The following SCNN1A variants were observed in gnomAD, a reference collection of about 807,000 sequenced individuals.
The protein encoded by SCNN1A is epithelial sodium channel subunit alpha.
In SCNN1A, 65 loss-of-function variants were observed where a neutral mutation model predicts 68.6. The observed-to-expected ratio is 0.95, with a 90% CI of 0.78 to 1.16. The LOEUF is 1.16. Ranked by LOEUF, SCNN1A falls within the 50% of genes most tolerant of loss-of-function variation. The pLI is 0.00. For missense variants in SCNN1A, 880 were observed against 865.9 expected (o/e 1.02, Z -0.20); for synonymous variants, 357 against 353.3 (o/e 1.01, Z -0.12).
At chr12:6,366,473 T>A in intron 2 of SCNN1A, among the ~76,000 whole-genome samples, 1 of 152,280 alleles carries the variant, frequency 6.6e-6, no homozygotes, top group East Asian at 1.9e-4. Context: ...TTTACGGTGT[T>A]TAGGCCGCAC....
intron 2 of SCNN1A, among the ~76,000 whole-genome samples, chr12:6,369,156 T>A (rs952384272): frequency 2.5e-4 from 38 of 151,302 alleles, no homozygotes; most frequent in African/African-American, 9.0e-4. Context: ...TGCCCCTCCC[T>A]CTCTCTCATC....
intron 2 of SCNN1A, among the ~76,000 whole-genome samples, chr12:6,368,598 G>A (rs1948720692): frequency 6.6e-6 from 1 of 152,166 alleles, no homozygotes; most frequent in Non-Finnish European, 1.5e-5. Context: ...TAACACAATT[G>A]TCATTCCCTT....
chr12:6,364,727 A>T (rs1592077516), intron 2 of SCNN1A, among the ~76,000 whole-genome samples: 1 of 151,194 alleles, frequency 6.6e-6, no homozygotes, highest in Admixed American at 6.6e-5. Context: ...GCGCCACTAC[A>T]CTCCAGCCTG....
At position 6,359,644 on chromosome 12, in the gene SCNN1A, A is replaced by G. The variant is rs192267005; in HGVS notation, c.875+2407T>C. ...CCTCTCCTCCCCTTCTACCATGAGT[A>G]AAAGTTTCCTGAGGCCTCCCCAGAA... On this transcript the variant is annotated intron_variant, in intron 4 of 12. Coordinates refer to ENST00000228916, the MANE Select transcript of SCNN1A (RefSeq NM_001038.6). Among the ~76,000 whole-genome samples, 3 of 152,234 alleles carry G rather than the reference A, an allele frequency of 2.0e-5. 1 individual carries two copies. The South Asian group carries it at 6.2e-4, about 32-fold the overall frequency.
intron 2 of SCNN1A, among the ~76,000 whole-genome samples, chr12:6,368,347 C>T (rs545247242): frequency 5.9e-5 from 9 of 152,288 alleles, no homozygotes; most frequent in East Asian, 1.9e-4. Flanking sequence ...GTTACACCCC[C>T]GGCGTTTGCC....
chr12:6,363,141 T>C (rs1467849622), intron 3 of SCNN1A, among the ~76,000 whole-genome samples: 1 of 97,340 alleles, frequency 1.0e-5, no homozygotes, highest in East Asian at 7.6e-4. Flanking sequence ...AGTAAAACAA[T>C]AATAATAATA....
upstream of SCNN1A, chr12:6,375,936 G>A: frequency 9.1e-7 from 1 of 1,098,878 alleles, no homozygotes; most frequent in Non-Finnish European, 1.1e-6. Context: ...AGATAGGGAT[G>A]GAGGAGGGGC....
At position 6,347,653 on chromosome 12, in the gene SCNN1A, G is replaced by C. The variant is rs913175491; in HGVS notation, c.*220C>G. ...CCAGAGTGTTCAGAGGCAGTACCAA[G>C]GGGTACAGGGCTGGAGCCAAGGCAC... On this transcript the variant is annotated 3_prime_UTR_variant, in exon 13 of 13. Transcript: ENST00000228916. 3.4e-6 allele frequency: 2 copies of C among 596,380 alleles called. No homozygotes were observed. Among genetic ancestry groups the C allele is most frequent in the Non-Finnish European group, 6.0e-6 (2 of 333,270 alleles). The allele number at this position is 596,380 out of a possible 1,614,324, so 36.9% of individuals were successfully genotyped here.
At position 6,347,911 on chromosome 12, in the gene SCNN1A, C is replaced by G; in HGVS notation, c.1972G>C (p.Gly658Arg). 1 of 1,596,818 alleles carries G rather than the reference C, an allele frequency of 6.3e-7. No homozygotes were observed. Among genetic ancestry groups the G allele is most frequent in the Non-Finnish European group, 8.5e-7 (1 of 1,171,542 alleles). Reference sequence around the variant, plus strand: ...AGAGGACAGGTGGAGGAACTGGCCCCTGCAGAGCCCCCTGGAGATGGGCGG... The same window carrying G: ...AGAGGACAGGTGGAGGAACTGGCCCGTGCAGAGCCCCCTGGAGATGGGCGG... ...GPRPSPGGSA[G>R]ASSSTCPLGG... Residue 658 changes from glycine (G) to arginine (R), a missense_variant, in exon 13 of 13, where the codon GGG (glycine) becomes CGG (arginine). By Grantham distance (125) the Gly-to-Arg change is moderately radical. Transcript: ENST00000228916.
intron 4 of SCNN1A, among the ~76,000 whole-genome samples, chr12:6,359,788 T>TTC (rs1948554077): frequency 9.2e-6 from 1 of 108,562 alleles, no homozygotes; most frequent in Non-Finnish European, 1.8e-5. Flanking sequence ...TTTTTTTTTT[T>TTC]CAGATGGAGT....
intron 2 of SCNN1A, among the ~76,000 whole-genome samples, chr12:6,369,109 C>G (rs569983323): frequency 6.6e-6 from 1 of 152,188 alleles, no homozygotes; most frequent in South Asian, 2.1e-4. Flanking sequence ...TCCCTTTCCA[C>G]TCCTTCCCCA....
rs1460355012 is a variant in SCNN1A, at chr12:6,351,014, C to T, written c.1361-1609G>A. Among the ~76,000 whole-genome samples the T allele has an allele frequency of 6.6e-6, 1 of 152,140 alleles. No individual in the cohort carries two copies. The highest frequency in any genetic ancestry group is 1.9e-4 in the East Asian group (1 of 5,192). On this transcript the variant is annotated intron_variant, in intron 8 of 12. Transcript: ENST00000228916. This position sits in a 1 kb window ranked among gnomAD's most constrained non-coding sequence, Gnocchi z 4.2. ...CTCAAAAAAGGTTAAACATAGATTA[C>T]CATATGACCTAGCAATTCCATTCCT...
chr12:6,351,631 AG>A lies in SCNN1A; in HGVS notation c.1361-2227del, dbSNP rs1303670889. ...GACAGAGGGAGATTCTGTCTCCAGA[AG>A]AAAAAAAAAAAAAAAGATTCAGAAT... On this transcript the variant is annotated intron_variant, in intron 8 of 12. Transcript: ENST00000228916. This position sits in a 1 kb window ranked among gnomAD's most constrained non-coding sequence, Gnocchi z 4.2. Among the ~76,000 whole-genome samples, 1 of 151,186 alleles carries A rather than the reference AG, an allele frequency of 6.6e-6. No homozygotes were observed. Among genetic ancestry groups the A allele is most frequent in the African/African-American group, 2.4e-5 (1 of 41,120 alleles).
chr12:6,360,719 C>T (rs66575351), intron 4 of SCNN1A, among the ~76,000 whole-genome samples: 3,743 of 152,200 alleles, frequency 0.025, 155 homozygotes, highest in African/African-American at 0.085. Context: ...GAGATGGCTC[C>T]GGAAAATAAA....
At position 6,372,601 on chromosome 12, in the gene SCNN1A, G is replaced by T. The variant is rs1948812888; in HGVS notation, c.416+1767C>A. 6.6e-6 allele frequency among the ~76,000 whole-genome samples: 1 copy of T among 152,100 alleles called. No individual in the cohort carries two copies. The highest frequency in any genetic ancestry group is 6.6e-5 in the Admixed American group (1 of 15,266). Reference sequence around the variant, plus strand: ...CCTAAGAACTGTGCAGGCCTCACCCGATTCACCCCTGCCCTCCCTTTCCAT... The same window carrying T: ...CCTAAGAACTGTGCAGGCCTCACCCTATTCACCCCTGCCCTCCCTTTCCAT... On this transcript the variant is annotated intron_variant, in intron 2 of 12. Coordinates refer to ENST00000228916, the MANE Select transcript of SCNN1A (RefSeq NM_001038.6). This position sits in a 1 kb window ranked among gnomAD's most constrained non-coding sequence, Gnocchi z 5.8.
intron 7 of SCNN1A, 75 bp from the exon 8 acceptor site, chr12:6,354,630 C>T: frequency 7.1e-7 from 1 of 1,408,196 alleles, no homozygotes; most frequent in Non-Finnish European, 1.0e-6. Context: ...AGCCTCCATC[C>T]TCTTTCCACC....
At chr12:6,352,009 T>C (rs1239680525) in intron 8 of SCNN1A, among the ~76,000 whole-genome samples, 3 of 152,116 alleles carry the variant, frequency 2.0e-5, no homozygotes, top group African/African-American at 7.2e-5. Context: ...CCTTGGCCTC[T>C]CAAAGTGCTG....
intron 8 of SCNN1A, among the ~76,000 whole-genome samples, chr12:6,350,844 T>A (rs1328629857): frequency 4.0e-5 from 6 of 150,682 alleles, no homozygotes; most frequent in East Asian, 1.9e-4. Context: ...TCAAAATAAA[T>A]AATAAATAAA....
rs781311824 is a variant in SCNN1A, at chr12:6,374,877, A to G, written c.-54-40T>C. The G allele has an allele frequency of 1.1e-5, 18 of 1,613,852 alleles. No individual in the cohort carries two copies. In the African/African-American group the frequency reaches 2.4e-4, roughly 22 times the overall value. ...GAGTGGATTGGGGAGAGCAAGGGTC[A>G]GGGTCAAGGCTGAGCTCTGGGCCCT... On this transcript the variant is annotated intron_variant, in intron 1 of 12. Coordinates refer to ENST00000228916, the MANE Select transcript of SCNN1A (RefSeq NM_001038.6). This position sits in a 1 kb window ranked among gnomAD's most constrained non-coding sequence, Gnocchi z 6.2.
Sources: gnomAD v4.1 joint callset for allele counts (sites outside exome capture counted in the v4.1 genomes callset) on GRCh38, gnomAD v4.1.1 for gene constraint, Gnocchi (gnomAD v3.1) non-coding constraint, MANE v1.5 for transcripts, NCBI Gene and HGNC (gene_info 2026-07-23, HGNC 2026-07-21) for gene names.